PRPS2: variants seen among roughly 807,000 people sequenced by gnomAD.
PRPS2 encodes ribose-phosphate pyrophosphokinase 2.
For synonymous variants in PRPS2, 111 were observed against 115.3 expected (o/e 0.96, Z 0.24); for missense variants, 104 against 271.5 (o/e 0.38, Z 4.34).
intron 5 of PRPS2, 114 bp from the exon 6 acceptor site, chrX:12,820,529 AT>A: frequency 1.8e-5 from 14 of 770,519 alleles, no homozygotes; most frequent in Non-Finnish European, 2.6e-5. Context: ...TGTGAGTGAA[AT>A]TTGTTGCATT....
rs1472040194 is a variant in PRPS2 at position 12,824,022 on chromosome X, A to G, written c.*1226A>G. 5.3e-5 allele frequency: 6 copies of G among 112,270 alleles called. No individual in the cohort carries two copies. The allele number at this position is 112,270 out of a possible 1,213,427, so 9.3% of individuals were successfully genotyped here. ...GAGCCAGAGAAATATGAATATACCA[A>G]AGTTGTTTGTTTAGCCTCCAACTTA... is the stretch of plus-strand genomic sequence containing the variant. On this transcript the variant is annotated 3_prime_UTR_variant, in exon 7 of 7. Transcript: ENST00000380668.
At chrX:12,806,906 T>C (rs1231634431) in intron 2 of PRPS2, among the ~76,000 whole-genome samples, 2 of 111,351 alleles carry the variant, frequency 1.8e-5, no homozygotes, top group African/African-American at 6.5e-5. Context: ...CTGACCAACA[T>C]GGAGAAACCC....
At chrX:12,818,381 A>G (rs1331656890) in intron 4 of PRPS2, among the ~76,000 whole-genome samples, 18 of 107,027 alleles carry the variant, frequency 1.7e-4, no homozygotes, top group Non-Finnish European at 2.3e-4. Context: ...AAAAAAAAAA[A>G]AAAGAAAAGA....
intron 1 of PRPS2, among the ~76,000 whole-genome samples, chrX:12,794,442 A>G (rs184881292): frequency 8.9e-6 from 1 of 112,029 alleles, no homozygotes; most frequent in African/African-American, 3.2e-5. Flanking sequence ...TTGGTGTATC[A>G]TAATTTCTGT....
At chrX:12,800,599 G>A (rs778404424) in intron 2 of PRPS2, among the ~76,000 whole-genome samples, 113 of 111,362 alleles carry the variant, frequency 1.0e-3, no homozygotes, top group Non-Finnish European at 1.8e-3. Context: ...AATCCTGCCA[G>A]TTTTCAAGAC....
intron 4 of PRPS2, 91 bp from the exon 5 acceptor site, chrX:12,819,416 G>C: frequency 5.9e-6 from 6 of 1,011,419 alleles, no homozygotes; most frequent in Middle Eastern, 3.1e-4. Flanking sequence ...TCATCTCTCG[G>C]GTGTGGTTGC....
In PRPS2 at chrX:12,791,746, G is replaced by A. The variant is rs2042519819; in HGVS notation, c.122+127G>A. The A allele has an allele frequency of 1.2e-5, 8 of 684,329 alleles. No individual in the cohort carries two copies. In the East Asian group the frequency reaches 1.1e-3, roughly 96 times the overall value. The allele number at this position is 684,329 out of a possible 1,213,427, so 56.4% of individuals were successfully genotyped here. On this transcript the variant is annotated intron_variant, in intron 1 of 6. Coordinates refer to ENST00000380668, the MANE Select transcript of PRPS2 (RefSeq NM_002765.5). ...GCGCTCCCCCTTCCGGGGCGGGACG[G>A]TGGCAACGCGGCCTCCGCGCCCCCG... is the stretch of plus-strand genomic sequence containing the variant.
At chrX:12,810,501 T>C (rs2042618178) in intron 4 of PRPS2, 1 of 222,969 alleles carries the variant, frequency 4.5e-6, no homozygotes, top group East Asian at 7.4e-5. Flanking sequence ...CACTTGGAAA[T>C]GGTAGCCAAA....
chrX:12,791,989 C>T (rs1368924541), intron 1 of PRPS2, among the ~76,000 whole-genome samples: 1 of 113,174 alleles, frequency 8.8e-6, no homozygotes, highest in African/African-American at 3.2e-5. Context: ...GTGGGCGCAG[C>T]GGGCGGGAAC....
intron 4 of PRPS2, among the ~76,000 whole-genome samples, chrX:12,817,501 C>A (rs1443442339): frequency 1.0e-5 from 1 of 98,653 alleles, no homozygotes; most frequent in African/African-American, 3.8e-5. Context: ...GAAATATTAG[C>A]CGAATAGGTT....
intron 4 of PRPS2, among the ~76,000 whole-genome samples, chrX:12,815,524 C>T (rs2042643250): frequency 2.7e-5 from 3 of 111,671 alleles, no homozygotes; most frequent in Non-Finnish European, 5.6e-5. Context: ...ACATTTTGTG[C>T]GAGGTGTTCA....
chrX:12,804,992 A>G (rs964101404), intron 2 of PRPS2, among the ~76,000 whole-genome samples: 17 of 112,029 alleles, frequency 1.5e-4, no homozygotes, highest in African/African-American at 5.5e-4. Context: ...GCTTTTAACC[A>G]GATTCAAAGC....
intron 4 of PRPS2, among the ~76,000 whole-genome samples, chrX:12,810,780 C>T (rs1273215423): frequency 9.2e-6 from 1 of 108,844 alleles, no homozygotes; most frequent in African/African-American, 3.4e-5. Context: ...AGCCCAGGTG[C>T]TCCAGGCTGC....
chrX:12,798,023 A>G (rs745908185), intron 1 of PRPS2, among the ~76,000 whole-genome samples: 4 of 111,952 alleles, frequency 3.6e-5, no homozygotes, highest in South Asian at 3.8e-4. Flanking sequence ...CAGAGAGATA[A>G]CCCAGGCCTG....
Position 12,809,312 on chromosome X carries a change from C to T in PRPS2, c.385C>T (p.Leu129=), listed in dbSNP as rs1299515720. ...AGADHIITMD[L]HASQIQGFFD... ...GGCGGATCACATCATCACCATGGAC[C>T]TGCATGCTTCTCAGATACAGGTATC... The change falls in exon 3 of 7, where the codon CTG becomes TTG. Residue 129 remains leucine (L), a synonymous_variant. Coordinates refer to ENST00000380668, the MANE Select transcript of PRPS2 (RefSeq NM_002765.5). 1 of 1,209,588 alleles carries T rather than the reference C, an allele frequency of 8.3e-7. No homozygotes were observed. The highest frequency in any genetic ancestry group is 1.1e-6 in the Non-Finnish European group (1 of 894,671).
intron 4 of PRPS2, 30 bp downstream of exon 4, chrX:12,810,176 C>T (rs1569096559): frequency 1.1e-5 from 13 of 1,202,588 alleles, no homozygotes; most frequent in Non-Finnish European, 1.5e-5. Flanking sequence ...TTGCAGATTT[C>T]TCCATCTGCT....
intron 1 of PRPS2, among the ~76,000 whole-genome samples, chrX:12,796,027 CTTTAT>C (rs2042541255): frequency 9.0e-6 from 1 of 111,197 alleles, no homozygotes; most frequent in Non-Finnish European, 1.9e-5. Flanking sequence ...ACTTGAAAAA[CTTTAT>C]TTTTATTTTC....
intron 5 of PRPS2, 31 bp downstream of exon 5, chrX:12,819,711 C>T (rs756324655): frequency 8.5e-7 from 1 of 1,176,066 alleles, no homozygotes; most frequent in South Asian, 2.0e-5. Context: ...AGCGTTAGGA[C>T]TTCTCACTAG....
rs151231926 is a variant in PRPS2 at position 12,809,136 on chromosome X, A to G, written c.307-98A>G. 891 of 755,653 alleles carry G rather than the reference A, an allele frequency of 1.2e-3. 6 individuals are homozygous for G. The East Asian group carries it at 0.028, about 24-fold the overall frequency. The allele number at this position is 755,653 out of a possible 1,213,427, so 62.3% of individuals were successfully genotyped here. The stretch of plus-strand genomic sequence containing the variant: ...TAATTTTCTTTTTGATGCTTCGTTG[A>G]TTGCATCTATGATTTATCCTTCTCA... On this transcript the variant is annotated intron_variant, in intron 2 of 6. Coordinates refer to ENST00000380668, the MANE Select transcript of PRPS2 (RefSeq NM_002765.5).
Sources: gnomAD v4.1 joint callset for allele counts (sites outside exome capture counted in the v4.1 genomes callset) on GRCh38, gnomAD v4.1.1 for gene constraint, MANE v1.5 for transcripts, NCBI Gene and HGNC (gene_info 2026-07-23, HGNC 2026-07-21) for gene names.